Variants in SMURF2 observed in about 807,000 individuals in gnomAD.
SMURF2 encodes SMAD specific E3 ubiquitin protein ligase 2.
SMURF2 carries 48 observed loss-of-function variants against 109.6 expected under a neutral mutation model. That is an observed-to-expected ratio of 0.44 (90% CI 0.35 to 0.56). SMURF2 has a LOEUF of 0.56. SMURF2 is among the 20% of genes least tolerant of loss of function. The pLI is 0.01. For synonymous variants in SMURF2, 288 were observed against 317.1 expected, an observed-to-expected ratio of 0.91 and a Z score of 0.97; for missense variants, 575 against 909.0, an observed-to-expected ratio of 0.63 and a Z score of 4.72.
chr17:64,659,134 TC>T (rs1349224505), intron 1 of SMURF2, among the ~76,000 whole-genome samples: 1 of 152,134 alleles, frequency 6.6e-6, no homozygotes, highest in African/African-American at 2.4e-5. Context: ...TTCCTCTTCT[TC>T]AGAGAGAGTG....
At chr17:64,608,400 T>C (rs1970001618) in intron 1 of SMURF2, among the ~76,000 whole-genome samples, 1 of 152,178 alleles carries the variant, frequency 6.6e-6, no homozygotes, top group African/African-American at 2.4e-5. Context: ...GGCCATGTCT[T>C]AGAGTTTTGT....
At chr17:64,646,381 C>CTT (rs201259541) in intron 1 of SMURF2, among the ~76,000 whole-genome samples, 18 of 114,456 alleles carry the variant, frequency 1.6e-4, no homozygotes, top group South Asian at 2.8e-4. Flanking sequence ...TTTTTTCTTT[C>CTT]TTTTTTTTTT....
intron 1 of SMURF2, among the ~76,000 whole-genome samples, chr17:64,609,891 T>C (rs1555689361): frequency 6.7e-6 from 1 of 149,790 alleles, no homozygotes; most frequent in Non-Finnish European, 1.5e-5. Context: ...ATATTCCAAA[T>C]CTACAAAGAA....
In SMURF2 at chr17:64,590,145, T is replaced by TTTTC. The variant is rs1491484074; in HGVS notation, c.400+938_400+939insGAAA. On this transcript the variant is annotated intron_variant, in intron 5 of 18. Coordinates refer to ENST00000262435, the MANE Select transcript of SMURF2 (RefSeq NM_022739.4). The stretch of plus-strand genomic sequence containing the variant: ...ACATTCCTATTGAATTTTTCTTTTC[T>TTTTC]TTTTTTTTTTTTTTGAGACAGGGTC... Among the ~76,000 whole-genome samples, 4 of 90,276 alleles carry TTTTC rather than the reference T, an allele frequency of 4.4e-5. No individual in the cohort carries two copies. The African/African-American group carries it at 5.4e-4, about 12-fold the overall frequency. The allele number at this position is 90,276 out of a possible 152,430, so 59.2% of individuals were successfully genotyped here.
intron 1 of SMURF2, among the ~76,000 whole-genome samples, chr17:64,628,331 A>G (rs1227290791): frequency 1.3e-5 from 2 of 152,196 alleles, no homozygotes; most frequent in African/African-American, 4.8e-5. Flanking sequence ...TGGAGGTCCT[A>G]GACTACTGGG....
intron 2 of SMURF2, among the ~76,000 whole-genome samples, chr17:64,605,025 C>T (rs1335846092): frequency 6.6e-6 from 1 of 151,686 alleles, no homozygotes; most frequent in East Asian, 1.9e-4. Flanking sequence ...TGCAAGCCCA[C>T]TAGTATAAAT....
chr17:64,578,917 A>T (rs1555686297), intron 8 of SMURF2, among the ~76,000 whole-genome samples: 1 of 152,254 alleles, frequency 6.6e-6, no homozygotes, highest in East Asian at 1.9e-4. Flanking sequence ...AGGCTGGCCA[A>T]CATTGGGAAG....
chr17:64,582,216 A>G (rs1969587529), intron 7 of SMURF2, among the ~76,000 whole-genome samples: 1 of 152,204 alleles, frequency 6.6e-6, no homozygotes, highest in African/African-American at 2.4e-5. Context: ...TTATAATGTA[A>G]AAGAGAAAAC....
chr17:64,656,049 T>C (rs775694059), intron 1 of SMURF2, among the ~76,000 whole-genome samples: 2 of 152,210 alleles, frequency 1.3e-5, no homozygotes, highest in Non-Finnish European at 2.9e-5. Context: ...GGTTAATAAA[T>C]AATGACAAGA....
chr17:64,652,879 A>C (rs1467185929), intron 1 of SMURF2, among the ~76,000 whole-genome samples: 9 of 152,256 alleles, frequency 5.9e-5, no homozygotes, highest in African/African-American at 2.2e-4. Flanking sequence ...TATGAAAAAA[A>C]AATCATGACA....
chr17:64,592,189 C>A (rs561635269), intron 4 of SMURF2, among the ~76,000 whole-genome samples: 108 of 152,266 alleles, frequency 7.1e-4, no homozygotes, highest in African/African-American at 2.4e-3. Context: ...GGATTCATGC[C>A]TTTTTCTCCT....
intron 5 of SMURF2, 35 bp from the exon 6 acceptor site, chr17:64,586,205 C>T (rs1555687066): frequency 1.4e-6 from 2 of 1,380,606 alleles, no homozygotes; most frequent in East Asian, 2.3e-5. Flanking sequence ...AAGATTCATA[C>T]AACTAGAAAG....
chr17:64,571,042 C>T (rs1326956267), intron 10 of SMURF2, among the ~76,000 whole-genome samples: 5 of 152,138 alleles, frequency 3.3e-5, no homozygotes, highest in Non-Finnish European at 1.5e-5. Flanking sequence ...CTCAGCCTCC[C>T]AAAGTGCTGG....
chr17:64,608,043 A>AATC (rs1568193558), intron 1 of SMURF2, among the ~76,000 whole-genome samples: 58 of 148,924 alleles, frequency 3.9e-4, no homozygotes, highest in African/African-American at 1.4e-3. Flanking sequence ...ATAAATAAAT[A>AATC]AATCTGCTTA....
intron 16 of SMURF2, among the ~76,000 whole-genome samples, chr17:64,548,369 G>A (rs1317104680): frequency 6.6e-6 from 1 of 152,060 alleles, no homozygotes; most frequent in South Asian, 2.1e-4. Context: ...TGTTGAATAA[G>A]TGAGTCATAC....
chr17:64,630,381 T>C (rs1440265743), intron 1 of SMURF2, among the ~76,000 whole-genome samples: 1 of 152,142 alleles, frequency 6.6e-6, no homozygotes, highest in Non-Finnish European at 1.5e-5. Flanking sequence ...ACCAGCTAAC[T>C]GGGAATTTCT....
At chr17:64,618,528 G>T (rs1970155609) in intron 1 of SMURF2, among the ~76,000 whole-genome samples, 1 of 152,162 alleles carries the variant, frequency 6.6e-6, no homozygotes, top group Non-Finnish European at 1.5e-5. Context: ...AAAGACCTAT[G>T]CTGTGTGCAG....
chr17:64,608,039 A>C (rs573245918), intron 1 of SMURF2, among the ~76,000 whole-genome samples: 77 of 149,558 alleles, frequency 5.1e-4, no homozygotes, highest in African/African-American at 1.9e-3. Flanking sequence ...ATAAATAAAT[A>C]AATAAATCTG....
intron 10 of SMURF2, among the ~76,000 whole-genome samples, chr17:64,565,926 T>C (rs1969294242): frequency 2.6e-5 from 4 of 152,036 alleles, no homozygotes; most frequent in Admixed American, 6.6e-5. Flanking sequence ...GCAAAGTTAT[T>C]TATTAAACCC....
Sources: allele counts gnomAD v4.1 joint callset (sites outside exome capture counted in the v4.1 genomes callset), GRCh38; gene constraint gnomAD v4.1.1; transcripts MANE v1.5; gene names NCBI Gene and HGNC (gene_info 2026-07-23, HGNC 2026-07-21).